DYM: variants seen among roughly 807,000 people sequenced by gnomAD.
The protein encoded by DYM is dyggve-Melchior-Clausen syndrome protein.
Under a neutral mutation model 93.1 loss-of-function variants are expected in DYM, and 78 were observed. That is an observed-to-expected ratio of 0.84 (90% CI 0.70 to 1.01). The LOEUF is 1.01. DYM is among the 50% of genes least tolerant of loss of function. The probability of loss-of-function intolerance (pLI) is 0.00; values close to 1 mark genes in which losing one functional copy is unlikely to be tolerated. For missense variants in DYM, 789 were observed against 845.0 expected (o/e 0.93, Z 0.82); for synonymous variants, 321 against 319.7 (o/e 1.00, Z -0.04).
chr18:49,104,958 T>A (rs1360923186), intron 16 of DYM, among the ~76,000 whole-genome samples: 3 of 152,258 alleles, frequency 2.0e-5, no homozygotes, highest in African/African-American at 4.8e-5. Context: ...CTTTTTCTAT[T>A]GATTGGAATA....
At chr18:49,384,021 T>G (rs2068314255) in intron 3 of DYM, among the ~76,000 whole-genome samples, 1 of 151,944 alleles carries the variant, frequency 6.6e-6, no homozygotes, top group Non-Finnish European at 1.5e-5. Flanking sequence ...CTGGGGGAAA[T>G]GCATGAATGA....
chr18:49,418,678 G>A (rs1001803046), intron 2 of DYM, among the ~76,000 whole-genome samples: 7 of 152,180 alleles, frequency 4.6e-5, no homozygotes, highest in African/African-American at 1.4e-4. Flanking sequence ...AATTCCAAGA[G>A]TGAACAATCT....
intron 15 of DYM, among the ~76,000 whole-genome samples, chr18:49,147,536 A>G (rs2085300957): frequency 2.0e-5 from 3 of 152,342 alleles, no homozygotes; most frequent in South Asian, 4.1e-4. Context: ...GGCGAAGGAT[A>G]TGAACAGACA....
chr18:49,293,646 C>T (rs2060321770), intron 8 of DYM, among the ~76,000 whole-genome samples: 1 of 152,138 alleles, frequency 6.6e-6, no homozygotes, highest in South Asian at 2.1e-4. Context: ...TGTTCATATC[C>T]TCCCACTTTT....
At chr18:49,300,705 G>A (rs77228739) in intron 8 of DYM, among the ~76,000 whole-genome samples, 2 of 151,910 alleles carry the variant, frequency 1.3e-5, no homozygotes, top group Non-Finnish European at 2.9e-5. Context: ...AATATAAACC[G>A]AATTACAGCA....
At chr18:49,067,757 C>A (rs1281160160) in intron 17 of DYM, among the ~76,000 whole-genome samples, 7 of 152,060 alleles carry the variant, frequency 4.6e-5, no homozygotes, top group African/African-American at 7.2e-5. Flanking sequence ...ATAAAGTATG[C>A]CAGTTAAAAA....
intron 6 of DYM, among the ~76,000 whole-genome samples, chr18:49,342,748 A>G (rs1164208265): frequency 6.6e-6 from 1 of 152,098 alleles, no homozygotes; most frequent in African/African-American, 2.4e-5. Context: ...GTGTAGATAC[A>G]TACTTACACT....
chr18:49,141,390 C>G (rs1191205177), intron 15 of DYM, among the ~76,000 whole-genome samples: 1 of 152,174 alleles, frequency 6.6e-6, no homozygotes, highest in Non-Finnish European at 1.5e-5. Flanking sequence ...CCTCCAAACT[C>G]TTTACCGTAA....
chr18:49,063,047 A>C (rs2076105192), intron 17 of DYM, among the ~76,000 whole-genome samples: 1 of 152,210 alleles, frequency 6.6e-6, no homozygotes, highest in Non-Finnish European at 1.5e-5. Context: ...GTGTAGCAAA[A>C]TCTACAGGAA....
chr18:49,240,806 G>A (rs2093992491), intron 13 of DYM, among the ~76,000 whole-genome samples: 1 of 152,174 alleles, frequency 6.6e-6, no homozygotes. Flanking sequence ...CCAGTATGGA[G>A]TAGAAGTGCA....
At chr18:49,104,889 G>A (rs531085654) in intron 16 of DYM, among the ~76,000 whole-genome samples, 34 of 152,242 alleles carry the variant, frequency 2.2e-4, no homozygotes, top group African/African-American at 3.1e-4. Flanking sequence ...TTGTGTCTCC[G>A]CCAGGCTTTG....
At chr18:49,142,405 C>T (rs567735661) in intron 15 of DYM, among the ~76,000 whole-genome samples, 1 of 152,184 alleles carries the variant, frequency 6.6e-6, no homozygotes, top group African/African-American at 2.4e-5. Flanking sequence ...AGAGTCTTTG[C>T]TCTTGGGTGG....
At position 49,404,194 on chromosome 18, in the gene DYM, A is replaced by C. The variant is rs189304079; in HGVS notation, c.141-12549T>G. On this transcript the variant is annotated intron_variant, in intron 2 of 17. Transcript: ENST00000675505. ...GGCTAATTTTTGTACTTCTAGTAGAAATGGGGTTTCACCATGTTGGCCAGG... is the reference window on the plus strand; with the variant it reads ...GGCTAATTTTTGTACTTCTAGTAGACATGGGGTTTCACCATGTTGGCCAGG... Among the ~76,000 whole-genome samples, 668 of 152,054 alleles carry C rather than the reference A, an allele frequency of 4.4e-3. 2 individuals are homozygous for C. Among genetic ancestry groups the C allele is most frequent in the Non-Finnish European group, 6.1e-3 (416 of 67,942 alleles).
intron 11 of DYM, among the ~76,000 whole-genome samples, chr18:49,271,188 G>T (rs1451636658): frequency 2.0e-5 from 3 of 152,240 alleles, no homozygotes; most frequent in East Asian, 3.9e-4. Flanking sequence ...CAGTTCTGTT[G>T]AAGTATTGGG....
intron 8 of DYM, among the ~76,000 whole-genome samples, chr18:49,303,236 CCTTT>C (rs1256497304): frequency 3.9e-5 from 6 of 152,170 alleles, no homozygotes; most frequent in African/African-American, 1.4e-4. Flanking sequence ...GCATTTTGCC[CCTTT>C]CTTTATGGTT....
At chr18:49,220,156 T>A (rs1472397575) in intron 13 of DYM, among the ~76,000 whole-genome samples, 1 of 152,184 alleles carries the variant, frequency 6.6e-6, no homozygotes, top group Non-Finnish European at 1.5e-5. Flanking sequence ...CATTCACAAT[T>A]GCTTCAAAGA....
chr18:49,294,392 TA>T (rs2060384717), intron 8 of DYM, among the ~76,000 whole-genome samples: 1 of 152,230 alleles, frequency 6.6e-6, no homozygotes, highest in African/African-American at 2.4e-5. Flanking sequence ...ATTGAAACTA[TA>T]AATTACTTTG....
At chr18:49,215,406 T>C (rs2092985544) in intron 13 of DYM, among the ~76,000 whole-genome samples, 1 of 152,212 alleles carries the variant, frequency 6.6e-6, no homozygotes, top group Non-Finnish European at 1.5e-5. Flanking sequence ...TGCTGGTGCA[T>C]GGTGAGAATA....
At chr18:49,350,803 A>C (rs896696335) in intron 6 of DYM, among the ~76,000 whole-genome samples, 47 of 151,890 alleles carry the variant, frequency 3.1e-4, no homozygotes, top group Admixed American at 2.9e-3. Flanking sequence ...ATTAGACAGT[A>C]AGGGTCCAAA....
Sources: allele counts gnomAD v4.1 joint callset (sites outside exome capture counted in the v4.1 genomes callset), GRCh38; gene constraint gnomAD v4.1.1; transcripts MANE v1.5; gene names NCBI Gene and HGNC (gene_info 2026-07-23, HGNC 2026-07-21).